The following TMEM232 variants were observed in gnomAD, a reference collection of about 807,000 sequenced individuals.
TMEM232 encodes the protein transmembrane protein 232.
A neutral mutation model predicts 78.8 loss-of-function variants in TMEM232; 80 were observed. That is an observed-to-expected ratio of 1.01 (90% confidence interval 0.85 to 1.22). The LOEUF (loss-of-function observed/expected upper bound fraction) is 1.22, where lower values mean the gene tolerates loss of function less well. Ranked by LOEUF, TMEM232 falls within the 50% of genes most tolerant of loss-of-function variation. The pLI is 0.00. For synonymous variants in TMEM232, 297 were observed against 254.3 expected (o/e 1.17, Z -1.60); for missense variants, 881 against 742.2 (o/e 1.19, Z -2.17).
At chr5:110,738,188 G>A (rs966022097), upstream of TMEM232, 1 of 1,275,886 alleles carries the variant, frequency 7.8e-7, no homozygotes, top group African/African-American at 1.5e-5. Context: ...AACCATGGAA[G>A]TCTTCCTCAG....
In TMEM232 at chr5:110,612,339, G is replaced by C. The variant is rs1320809029; in HGVS notation, c.903-6052C>G. ...GGTATTTACCCTTGATACAGACTAAGTTATAATTGGCTCCAGGGATCAAAG... is the reference window on the plus strand; with the variant it reads ...GGTATTTACCCTTGATACAGACTAACTTATAATTGGCTCCAGGGATCAAAG... On this transcript the variant is annotated intron_variant, in intron 8 of 13. Transcript: ENST00000455884. Among the ~76,000 whole-genome samples, 6 of 152,116 alleles carry C rather than the reference G, an allele frequency of 3.9e-5. No homozygotes were observed. The East Asian group carries it at 7.7e-4, about 20-fold the overall frequency.
chr5:110,642,197 T>C (rs1786828955), intron 3 of TMEM232, 63 bp downstream of exon 3: 5 of 942,384 alleles, frequency 5.3e-6, no homozygotes, highest in Admixed American at 7.1e-5. Context: ...TTTTAGAATG[T>C]GTAATCATGT....
chr5:110,705,735 CAT>C (rs57147770), intron 1 of TMEM232, among the ~76,000 whole-genome samples: 3 of 143,062 alleles, frequency 2.1e-5, no homozygotes, highest in African/African-American at 7.9e-5. Flanking sequence ...CACACACACA[CAT>C]ATGTGTGTGT....
chr5:110,656,831 C>T (rs373157145), intron 2 of TMEM232, among the ~76,000 whole-genome samples: 3 of 150,242 alleles, frequency 2.0e-5, no homozygotes, highest in African/African-American at 7.4e-5. Context: ...GAGCAAGACT[C>T]CATCTCTAAA....
chr5:110,698,995 GGAA>G (rs1580715659), intron 1 of TMEM232, among the ~76,000 whole-genome samples: 1 of 152,032 alleles, frequency 6.6e-6, no homozygotes, highest in Non-Finnish European at 1.5e-5. Context: ...TAGAGGTGTT[GGAA>G]GGGGATCTCT....
chr5:110,615,914 AAAAT>A (rs1782867256), intron 8 of TMEM232, among the ~76,000 whole-genome samples: 1 of 152,008 alleles, frequency 6.6e-6, no homozygotes, highest in African/African-American at 2.4e-5. Flanking sequence ...AAAAATAAAA[AAAAT>A]AAAGCCTAAG....
intron 12 of TMEM232, among the ~76,000 whole-genome samples, chr5:110,468,621 A>G (rs1762346485): frequency 2.0e-5 from 3 of 152,174 alleles, no homozygotes; most frequent in Admixed American, 2.0e-4. Flanking sequence ...TCATGATTAT[A>G]TAAGTATAAC....
intron 12 of TMEM232, among the ~76,000 whole-genome samples, chr5:110,456,682 TC>T (rs1483721139): frequency 2.4e-4 from 37 of 152,134 alleles, no homozygotes; most frequent in Middle Eastern, 3.4e-3. Flanking sequence ...GACAATTAGA[TC>T]AATGGAACAG....
At chr5:110,653,441 T>A (rs1202703202) in intron 2 of TMEM232, among the ~76,000 whole-genome samples, 3 of 152,184 alleles carry the variant, frequency 2.0e-5, no homozygotes, top group African/African-American at 7.2e-5. Flanking sequence ...TTTGGTGAGA[T>A]TCAGAAAAAG....
intron 8 of TMEM232, among the ~76,000 whole-genome samples, chr5:110,613,537 G>C (rs981013961): frequency 2.0e-5 from 3 of 152,112 alleles, no homozygotes; most frequent in Non-Finnish European, 4.4e-5. Flanking sequence ...AATGGTCACT[G>C]GCATTGAACT....
chr5:110,575,724 C>T (rs1777501505), intron 10 of TMEM232, among the ~76,000 whole-genome samples: 1 of 151,948 alleles, frequency 6.6e-6, no homozygotes, highest in Non-Finnish European at 1.5e-5. Flanking sequence ...CAAACCTCCC[C>T]CACTCAGAGA....
chr5:110,573,699 C>A (rs554960348), intron 10 of TMEM232, among the ~76,000 whole-genome samples: 2 of 152,024 alleles, frequency 1.3e-5, no homozygotes, highest in Non-Finnish European at 2.9e-5. Context: ...CTACTGTAGA[C>A]AGAATGAGAG....
intron 12 of TMEM232, among the ~76,000 whole-genome samples, chr5:110,514,394 GAATT>G (rs1768281519): frequency 6.6e-6 from 1 of 151,664 alleles, no homozygotes; most frequent in African/African-American, 2.4e-5. Context: ...ATCTTACTAA[GAATT>G]AAATATTATA....
At chr5:110,448,425 T>G (rs537088839) in intron 12 of TMEM232, among the ~76,000 whole-genome samples, 1 of 152,094 alleles carries the variant, frequency 6.6e-6, no homozygotes, top group Non-Finnish European at 1.5e-5. Context: ...CAATCTGTTA[T>G]GTCGTTCTAG....
intron 2 of TMEM232, among the ~76,000 whole-genome samples, chr5:110,662,142 T>C (rs1359156724): frequency 1.3e-5 from 2 of 152,166 alleles, no homozygotes; most frequent in African/African-American, 4.8e-5. Context: ...TATTTGTGTA[T>C]GTAAAATCAA....
At chr5:110,473,890 CAAAAAAAAAAAAAAA>C (rs61351197) in intron 12 of TMEM232, among the ~76,000 whole-genome samples, 5 of 14,222 alleles carry the variant, frequency 3.5e-4, no homozygotes, top group East Asian at 4.4e-3. Flanking sequence ...AGCCAGACAC[CAAAAAAAAAAAAAAA>C]AAAAAAAAAA....
intron 7 of TMEM232, among the ~76,000 whole-genome samples, chr5:110,622,782 G>A (rs1783916773): frequency 6.6e-6 from 1 of 151,064 alleles, no homozygotes; most frequent in African/African-American, 2.4e-5. Flanking sequence ...CTTCCACAAT[G>A]GTTGAACAAT....
chr5:110,528,310 G>C (rs1167564148), intron 12 of TMEM232, among the ~76,000 whole-genome samples: 2 of 151,652 alleles, frequency 1.3e-5, no homozygotes, highest in East Asian at 3.9e-4. Flanking sequence ...TTTGAATATT[G>C]AATGATTTGG....
chr5:110,449,481 C>T (rs933224788), intron 12 of TMEM232, among the ~76,000 whole-genome samples: 3 of 151,636 alleles, frequency 2.0e-5, no homozygotes, highest in African/African-American at 7.3e-5. Flanking sequence ...ATCAGCTGTC[C>T]AATCATCCCT....
Sources: allele counts gnomAD v4.1 joint callset (sites outside exome capture counted in the v4.1 genomes callset), GRCh38; gene constraint gnomAD v4.1.1; transcripts MANE v1.5; gene names NCBI Gene and HGNC (gene_info 2026-07-23, HGNC 2026-07-21).